The following TMEM259 variants were observed in gnomAD, a reference collection of about 807,000 sequenced individuals.
The protein encoded by TMEM259 is membralin.
In TMEM259, 26 loss-of-function variants were observed where a neutral mutation model predicts 46.7. The observed-to-expected ratio is 0.56, with a 90% CI of 0.41 to 0.77. The LOEUF is 0.77. TMEM259 is among the 30% of genes least tolerant of loss of function. The pLI, the probability that TMEM259 is intolerant of heterozygous loss-of-function variation, is 0.00. For missense variants in TMEM259, 930 were observed against 900.5 expected (o/e 1.03, Z -0.42); for synonymous variants, 494 against 395.1 (o/e 1.25, Z -2.97).
intron 1 of TMEM259, among the ~76,000 whole-genome samples, chr19:1,016,293 C>G (rs935823290): frequency 1.3e-5 from 2 of 152,298 alleles, no homozygotes; most frequent in South Asian, 4.1e-4. Context: ...GGGGCAGCCC[C>G]GGAGCCTGAG....
intron 1 of TMEM259, among the ~76,000 whole-genome samples, chr19:1,018,339 G>A (rs1295415231): frequency 6.6e-6 from 1 of 152,162 alleles, no homozygotes; most frequent in Non-Finnish European, 1.5e-5. Context: ...CATGGATGAG[G>A]GACCGGGGGG....
rs2039240615 is a variant in TMEM259, at chr19:1,020,122, G to A, written c.225+650C>T. On this transcript the variant is annotated intron_variant, in intron 1 of 10. Transcript: ENST00000356663. The surrounding 1 kb of genome is among the most constrained non-coding windows in gnomAD (Gnocchi z 4.0). ...CAGCGGAGGAAGAGGCCGGGGATGG[G>A]GTGGTACGCTGCTGCCGGTGACTTT... Among the ~76,000 whole-genome samples, 1 of 152,178 alleles carries A rather than the reference G, an allele frequency of 6.6e-6. No homozygotes were observed. Among genetic ancestry groups the A allele is most frequent in the African/African-American group, 2.4e-5 (1 of 41,446 alleles).
chr19:1,010,947 C>A (rs2038892376), intron 10 of TMEM259, 52 bp from the exon 11 acceptor site: 1 of 1,564,992 alleles, frequency 6.4e-7, no homozygotes, highest in Non-Finnish European at 8.6e-7. Flanking sequence ...CCCCACCCAG[C>A]CGCTGCTCCC....
chr19:1,011,048 C>T (rs1473994260), intron 10 of TMEM259, 48 bp downstream of exon 10: 2 of 1,558,300 alleles, frequency 1.3e-6, no homozygotes, highest in Non-Finnish European at 1.7e-6. Context: ...CCTCTCCTGC[C>T]TGGAAAGGCA....
At position 1,011,876 on chromosome 19, in the gene TMEM259, G is replaced by A. The variant is rs749256164; in HGVS notation, c.942+16C>T. Reference sequence around the variant, plus strand: ...TCCCGCCCGGCCAGCCCCCGCACCCGCCCCGAGGCACTCACGAAGATGACC... The same window carrying A: ...TCCCGCCCGGCCAGCCCCCGCACCCACCCCGAGGCACTCACGAAGATGACC... On this transcript the variant is annotated intron_variant, in intron 6 of 10. Transcript: ENST00000356663. The A allele has an allele frequency of 7.9e-6, 11 of 1,399,062 alleles. No homozygotes were observed. Among genetic ancestry groups the A allele is most frequent in the East Asian group, 5.6e-5 (2 of 35,998 alleles). 86.7% of individuals were successfully genotyped at this position (1,399,062 alleles called of 1,614,324 possible).
rs1382153019 is a variant in TMEM259, at chr19:1,020,960, C to T, written c.37G>A (p.Gly13Arg). 8 of 1,270,022 alleles carry T rather than the reference C, an allele frequency of 6.3e-6. No homozygotes were observed. The highest frequency in any genetic ancestry group is 7.9e-6 in the Non-Finnish European group (8 of 1,006,334). 78.7% of individuals were successfully genotyped at this position (1,270,022 alleles called of 1,614,324 possible). The change falls in exon 1 of 11, where the codon GGG becomes AGG. Residue 13 changes from glycine (G) to arginine (R), a missense_variant. Transcript: ENST00000356663. This position sits in a 1 kb window ranked among gnomAD's most constrained non-coding sequence, Gnocchi z 4.0. ...GGGCCGCCGCCGCCGCCGTTGGGCC[C>T]GGGCCCCGGAGCTGCGGGCTCCACG... ...EHVEPAAPGP[G>R]PNGGGGGPAP...
At position 1,020,685 on chromosome 19, in the gene TMEM259, G is replaced by C. The variant is rs1269195103; in HGVS notation, c.225+87C>G. 3 of 1,010,340 alleles carry C rather than the reference G, an allele frequency of 3.0e-6. No individual in the cohort carries two copies. The highest frequency in any genetic ancestry group is 3.9e-6 in the Non-Finnish European group (3 of 773,758). 62.6% of individuals were successfully genotyped at this position (1,010,340 alleles called of 1,614,324 possible). ...CAGGGTGGCGCTCGCTGTCCCCAGCGGGGCCAGGGGTCGCGGTCGGAGGTA... is the reference window on the plus strand; with the variant it reads ...CAGGGTGGCGCTCGCTGTCCCCAGCCGGGCCAGGGGTCGCGGTCGGAGGTA... On this transcript the variant is annotated intron_variant, in intron 1 of 10. Transcript: ENST00000356663. This position sits in a 1 kb window ranked among gnomAD's most constrained non-coding sequence, Gnocchi z 4.0.
Position 1,010,900 on chromosome 19 carries a change from G to A in TMEM259, c.1318-5C>T, listed in dbSNP as rs368879268. On this transcript the variant is annotated splice_region_variant and splice_polypyrimidine_tract_variant and intron_variant, in intron 10 of 10. Coordinates refer to ENST00000356663, the MANE Select transcript of TMEM259 (RefSeq NM_001033026.2). ...GAAGAAGTAGATCATGGAATGCTGC[G>A]GGAGGGAGAGTGGGAGTCAGGACGG... 48 of 1,589,546 alleles carry A rather than the reference G, an allele frequency of 3.0e-5. No homozygotes were observed. The highest frequency in any genetic ancestry group is 1.7e-4 in the Middle Eastern group (1 of 5,836).
Position 1,021,054 on chromosome 19 carries a change from C to A in TMEM259, c.-58G>T. ...GTGTCCGAGGGCGCCTCCCGGCCGCCATCGGCCGCCCTCGCAGCCGCCGCT... is the reference window on the plus strand; with the variant it reads ...GTGTCCGAGGGCGCCTCCCGGCCGCAATCGGCCGCCCTCGCAGCCGCCGCT... On this transcript the variant is annotated 5_prime_UTR_variant, in exon 1 of 11. The change abolishes an upstream ATG in the 5' untranslated region. Coordinates refer to ENST00000356663, the MANE Select transcript of TMEM259 (RefSeq NM_001033026.2). The A allele has an allele frequency of 7.7e-7, 1 of 1,290,342 alleles. No individual in the cohort carries two copies. The allele number at this position is 1,290,342 out of a possible 1,614,324, so 79.9% of individuals were successfully genotyped here. A position where few individuals can be genotyped will look rare whatever the true frequency, so the allele number is the denominator to read the frequency against.
chr19:1,011,177 G>C lies in TMEM259; in HGVS notation c.1236C>G (p.His412Gln), dbSNP rs777847759. 1.9e-6 allele frequency: 3 copies of C among 1,601,308 alleles called. No individual in the cohort carries two copies. Among genetic ancestry groups the C allele is most frequent in the Non-Finnish European group, 8.5e-7 (1 of 1,173,714 alleles). Residue 412 changes from histidine (H) to glutamine (Q), a missense_variant, in exon 10 of 11, where the codon CAC becomes CAG. His to Gln is a conservative substitution (Grantham distance 24, BLOSUM62 0). Transcript: ENST00000356663. ...GGTAGTGATAGGCATAGAAGGCGAA[G>C]TGGTAGAGATAGAAGAACCTGCGGG... ...RHWLRFFYLY[H>Q]FAFYAYHYRF... is the part of the protein sequence containing the mutation.
chr19:1,014,337 C>G lies in TMEM259; in HGVS notation c.362G>C (p.Arg121Pro). ...ACAGAACTGTAGGAAGACGGGCGCG[C>G]GGCTCGAGTTGTGCCGCACTTCCAC... is the stretch of plus-strand genomic sequence containing the variant. The part of the protein sequence containing the change: ...LRVEVRHNSS[R>P]APVFLQFCDS... The change falls in exon 2 of 11, where the codon CGC (arginine) becomes CCC (proline). Residue 121 changes from arginine (R) to proline (P), a missense_variant. Transcript: ENST00000356663. The G allele has an allele frequency of 1.2e-6, 2 of 1,613,050 alleles. No homozygotes were observed. Among genetic ancestry groups the G allele is most frequent in the Non-Finnish European group, 1.7e-6 (2 of 1,179,950 alleles).
intron 8 of TMEM259, 23 bp from the exon 9 acceptor site, chr19:1,011,522 T>C (rs927211079): frequency 1.8e-5 from 27 of 1,539,626 alleles, no homozygotes; most frequent in Admixed American, 4.0e-5. Flanking sequence ...GCGGCGCCGG[T>C]TGAAGCGGGC....
At chr19:1,017,850 T>G (rs1406430796) in intron 1 of TMEM259, among the ~76,000 whole-genome samples, 1 of 152,146 alleles carries the variant, frequency 6.6e-6, no homozygotes, top group Non-Finnish European at 1.5e-5. Context: ...CAGGAAACAC[T>G]ACCTGGGGCT....
intron 5 of TMEM259, 35 bp from the exon 6 acceptor site, chr19:1,012,027 C>T (rs1357700398): frequency 8.1e-6 from 13 of 1,611,854 alleles, no homozygotes; most frequent in Non-Finnish European, 1.1e-5. Context: ...CCCGCCCCCA[C>T]CCGCGCCCTC....
At chr19:1,015,768 A>C (rs1017928553) in intron 1 of TMEM259, among the ~76,000 whole-genome samples, 2 of 152,202 alleles carry the variant, frequency 1.3e-5, no homozygotes, top group Non-Finnish European at 2.9e-5. Context: ...CCCGGGGTGC[A>C]GTGAGCCACC....
intron 1 of TMEM259, among the ~76,000 whole-genome samples, chr19:1,017,976 G>T (rs998013326): frequency 4.6e-5 from 7 of 151,960 alleles, no homozygotes; most frequent in African/African-American, 1.7e-4. Context: ...GGGCCCCTGG[G>T]GTCTCACATA....
chr19:1,018,742 T>C (rs1243689792), intron 1 of TMEM259, among the ~76,000 whole-genome samples: 2 of 152,104 alleles, frequency 1.3e-5, no homozygotes, highest in African/African-American at 2.4e-5. Flanking sequence ...TCCCAGCCTT[T>C]TGGGAGGCCG....
chr19:1,009,838 A>C lies in TMEM259; in HGVS notation c.*512T>G. ...CCACTGATGTTGGCGCCTGCACCCCACGTCCCTATGCCCGAGGCGCAAGCT... is the reference window on the plus strand; with the variant it reads ...CCACTGATGTTGGCGCCTGCACCCCCCGTCCCTATGCCCGAGGCGCAAGCT... On this transcript the variant is annotated 3_prime_UTR_variant, in exon 11 of 11. Transcript: ENST00000356663. The C allele has an allele frequency of 4.7e-6, 2 of 430,016 alleles. No individual in the cohort carries two copies. Among genetic ancestry groups the C allele is most frequent in the Non-Finnish European group, 8.1e-6 (2 of 245,522 alleles). 26.6% of individuals were successfully genotyped at this position (430,016 alleles called of 1,614,324 possible).
chr19:1,014,160 C>A, intron 2 of TMEM259, 32 bp downstream of exon 2: 1 of 1,590,920 alleles, frequency 6.3e-7, no homozygotes, highest in South Asian at 1.1e-5. Flanking sequence ...GGGCGCTGGC[C>A]TCTGCTGCAG....
Sources: allele counts gnomAD v4.1 joint callset (sites outside exome capture counted in the v4.1 genomes callset), GRCh38; gene constraint gnomAD v4.1.1; non-coding constraint Gnocchi (gnomAD v3.1); transcripts MANE v1.5; gene names NCBI Gene and HGNC (gene_info 2026-07-23, HGNC 2026-07-21).